Variants in FMN1 observed in about 807,000 individuals in gnomAD.
FMN1 encodes formin-1.
FMN1 carries 110 observed loss-of-function variants against 132.4 expected under a neutral mutation model. That is an observed-to-expected ratio of 0.83 (90% CI 0.71 to 0.97). The LOEUF (loss-of-function observed/expected upper bound fraction) is 0.97, where lower values mean the gene tolerates loss of function less well. FMN1 is among the 50% of genes least tolerant of loss of function. FMN1 has a pLI of 0.00. For synonymous variants in FMN1, 722 were observed against 651.7 expected (o/e 1.11, Z -1.64); for missense variants, 1,792 against 1,705.3 (o/e 1.05, Z -0.90).
chr15:33,039,175 A>C (rs1326565327), intron 6 of FMN1, among the ~76,000 whole-genome samples: 1 of 152,280 alleles, frequency 6.6e-6, no homozygotes, highest in East Asian at 1.9e-4. Flanking sequence ...AATTCAGAAA[A>C]GGTAATGGGA....
At chr15:33,056,711 A>G (rs1411860654) in intron 6 of FMN1, among the ~76,000 whole-genome samples, 2 of 152,236 alleles carry the variant, frequency 1.3e-5, no homozygotes, top group African/African-American at 4.8e-5. Context: ...AGTGTCCACC[A>G]GCATTAGAAC....
intron 4 of FMN1, among the ~76,000 whole-genome samples, chr15:33,132,523 C>T (rs1963592061): frequency 6.6e-6 from 1 of 152,114 alleles, no homozygotes; most frequent in African/African-American, 2.4e-5. Context: ...TGATTTAGAG[C>T]TCTGTAAGTC....
At chr15:32,806,353 A>G (rs964754046) in intron 17 of FMN1, among the ~76,000 whole-genome samples, 2 of 152,232 alleles carry the variant, frequency 1.3e-5, no homozygotes, top group Admixed American at 1.3e-4. Flanking sequence ...CATCTGTCCC[A>G]TGAGAACAGC....
intron 17 of FMN1, among the ~76,000 whole-genome samples, chr15:32,827,754 G>C (rs1428395510): frequency 1.3e-5 from 2 of 152,030 alleles, no homozygotes; most frequent in African/African-American, 2.4e-5. Context: ...TGAGGCAGGA[G>C]AATGGCGTGA....
At chr15:32,905,002 G>T (rs2060387447) in intron 12 of FMN1, among the ~76,000 whole-genome samples, 1 of 152,080 alleles carries the variant, frequency 6.6e-6, no homozygotes, top group African/African-American at 2.4e-5. Flanking sequence ...GTTCCTTTTG[G>T]GCTAGTCTAA....
At chr15:33,094,425 G>A (rs1319208702) in intron 4 of FMN1, among the ~76,000 whole-genome samples, 2 of 152,150 alleles carry the variant, frequency 1.3e-5, no homozygotes, top group African/African-American at 2.4e-5. Flanking sequence ...TTTTTCTTTT[G>A]TCAGAGAAGA....
intron 4 of FMN1, among the ~76,000 whole-genome samples, chr15:33,116,226 G>T (rs1389753610): frequency 6.6e-6 from 1 of 151,774 alleles, no homozygotes; most frequent in South Asian, 2.1e-4. Flanking sequence ...GATTGACCTA[G>T]TCTAGGAAGC....
At chr15:33,142,995 G>GC (rs1346067560) in intron 4 of FMN1, among the ~76,000 whole-genome samples, 1 of 152,190 alleles carries the variant, frequency 6.6e-6, no homozygotes, top group Non-Finnish European at 1.5e-5. Context: ...TCACTTGACT[G>GC]CCCCTCAGTA....
intron 16 of FMN1, among the ~76,000 whole-genome samples, chr15:32,878,338 C>A (rs1274666470): frequency 6.6e-6 from 1 of 152,022 alleles, no homozygotes; most frequent in Admixed American, 6.6e-5. Flanking sequence ...GGATTTGATT[C>A]CAAGAGGAAT....
At chr15:32,873,592 C>T (rs910635727) in intron 16 of FMN1, among the ~76,000 whole-genome samples, 5 of 151,856 alleles carry the variant, frequency 3.3e-5, no homozygotes, top group South Asian at 2.1e-4. Context: ...CGTGGTTATA[C>T]GTAAAGTGAG....
At chr15:32,956,628 A>G (rs537072133) in intron 9 of FMN1, among the ~76,000 whole-genome samples, 1 of 152,258 alleles carries the variant, frequency 6.6e-6, no homozygotes, top group South Asian at 2.1e-4. Flanking sequence ...CACATGGGCA[A>G]GTTATTTCAC....
Position 32,806,305 on chromosome 15 carries a change from T to G in FMN1, c.3929-1973A>C, listed in dbSNP as rs572000521. Among the ~76,000 whole-genome samples the G allele has an allele frequency of 1.3e-3, 205 of 152,344 alleles. 1 individual carries two copies. In the South Asian group the frequency reaches 0.021, roughly 16 times the overall value. The stretch of plus-strand genomic sequence containing the variant: ...CTACCACTTACTATCTGTATGACTT[T>G]GGCAAGTTAGTTAAGACCAAATGCT... On this transcript the variant is annotated intron_variant, in intron 17 of 20. Transcript: ENST00000616417.
At chr15:33,096,586 C>A (rs2039092803) in intron 4 of FMN1, among the ~76,000 whole-genome samples, 1 of 152,006 alleles carries the variant, frequency 6.6e-6, no homozygotes, top group South Asian at 2.1e-4. Flanking sequence ...TTATCACTTT[C>A]TCTCCCAACA....
At chr15:32,905,831 A>G (rs2060411452) in intron 12 of FMN1, among the ~76,000 whole-genome samples, 1 of 152,166 alleles carries the variant, frequency 6.6e-6, no homozygotes, top group African/African-American at 2.4e-5. Context: ...GCATAAATCA[A>G]ACAAATGCTG....
intron 4 of FMN1, among the ~76,000 whole-genome samples, chr15:33,090,415 T>C (rs2038861858): frequency 6.6e-6 from 1 of 152,248 alleles, no homozygotes; most frequent in Non-Finnish European, 1.5e-5. Context: ...GGTTTGGCTG[T>C]TGTTTGCCTG....
Position 33,153,419 on chromosome 15 carries a change from G to C in FMN1, c.1496C>G (p.Ala499Gly). Residue 499 changes from alanine to glycine, a missense_variant, in exon 4 of 21, where the codon GCT becomes GGT. Coordinates refer to ENST00000616417, the MANE Select transcript of FMN1 (RefSeq NM_001277313.2). ...KKKPSPPAPAALGKVFNNSAS... is the reference protein window; with the variant it reads ...KKKPSPPAPAGLGKVFNNSAS... ...TGAATTATTAAACACCTTGCCAAGA[G>C]CTGCCGGTGCTGGTGGGGATGGCTT... 1 of 1,536,826 alleles carries C rather than the reference G, an allele frequency of 6.5e-7. No homozygotes were observed. Among genetic ancestry groups the C allele is most frequent in the Non-Finnish European group, 8.7e-7 (1 of 1,147,026 alleles).
At chr15:33,055,530 G>A (rs1365092501) in intron 6 of FMN1, among the ~76,000 whole-genome samples, 1 of 151,950 alleles carries the variant, frequency 6.6e-6, no homozygotes, top group Non-Finnish European at 1.5e-5. Flanking sequence ...CAGCCCAGAA[G>A]GTGAAGGTAG....
chr15:32,931,022 G>A (rs1264673785), intron 9 of FMN1, among the ~76,000 whole-genome samples: 3 of 152,082 alleles, frequency 2.0e-5, no homozygotes, highest in East Asian at 1.9e-4. Flanking sequence ...GTTTATTTCT[G>A]GGTTCTCTAT....
At chr15:32,890,530 G>A (rs1313971079) in intron 15 of FMN1, among the ~76,000 whole-genome samples, 4 of 152,172 alleles carry the variant, frequency 2.6e-5, no homozygotes, top group Non-Finnish European at 5.9e-5. Context: ...GTGATGTTGA[G>A]CATTTTTTCA....
Sources: gnomAD v4.1 joint callset for allele counts (sites outside exome capture counted in the v4.1 genomes callset) on GRCh38, gnomAD v4.1.1 for gene constraint, MANE v1.5 for transcripts, NCBI Gene and HGNC (gene_info 2026-07-23, HGNC 2026-07-21) for gene names.